Variants in BNC2 observed in about 807,000 individuals in gnomAD.
BNC2 encodes basonuclin zinc finger protein 2.
BNC2 carries 20 observed loss-of-function variants against 76.3 expected under a neutral mutation model. The observed-to-expected ratio is 0.26, with a 90% CI of 0.18 to 0.38. The LOEUF (loss-of-function observed/expected upper bound fraction) is 0.38. Ranked by LOEUF, BNC2 falls within the 10% of genes least tolerant of loss-of-function variation. BNC2 has a pLI of 1.00. For synonymous variants in BNC2, 582 were observed against 514.8 expected (o/e 1.13, Z -1.77); for missense variants, 1,382 against 1,399.8 (o/e 0.99, Z 0.20).
intron 3 of BNC2, among the ~76,000 whole-genome samples, chr9:16,667,603 G>T (rs1303012364): frequency 6.6e-6 from 1 of 152,126 alleles, no homozygotes; most frequent in Non-Finnish European, 1.5e-5. Flanking sequence ...AATTAAATGA[G>T]ATAGCCTTTT....
chr9:16,823,296 G>C (rs1469732201), intron 1 of BNC2, among the ~76,000 whole-genome samples: 1 of 151,950 alleles, frequency 6.6e-6, no homozygotes, highest in East Asian at 1.9e-4. Flanking sequence ...TAGTTCTATA[G>C]TGACATGTAA....
chr9:16,557,075 C>A (rs995599529), intron 4 of BNC2, among the ~76,000 whole-genome samples: 7 of 151,946 alleles, frequency 4.6e-5, no homozygotes, highest in African/African-American at 1.5e-4. Flanking sequence ...ATGAGTTAGG[C>A]CAATGGCGCT....
chr9:16,411,090 T>C lies in BNC2; in HGVS notation c.*7899A>G, dbSNP rs907753990. On this transcript the variant is annotated 3_prime_UTR_variant, in exon 7 of 7. Transcript: ENST00000380672. ...CAGTTCACCTTGCAGGGACTGGCGC[T>C]TTCTCCCTCTCTTTTGAAAAACATA... The C allele has an allele frequency of 3.3e-5, 5 of 152,216 alleles. No homozygotes were observed. The East Asian group carries it at 9.6e-4, about 29-fold the overall frequency. 9.4% of individuals were successfully genotyped at this position (152,216 alleles called of 1,614,324 possible).
intron 4 of BNC2, among the ~76,000 whole-genome samples, chr9:16,582,143 C>T (rs1433836901): frequency 6.6e-6 from 1 of 151,612 alleles, no homozygotes; most frequent in Non-Finnish European, 1.5e-5. Context: ...CCGGGGCTGT[C>T]AAAAAATCTC....
rs748241207 is a variant in BNC2 at position 16,419,636 on chromosome 9, T to C, written c.2653A>G (p.Ile885Val). The C allele has an allele frequency of 3.7e-6, 5 of 1,358,884 alleles. No individual in the cohort carries two copies. Among genetic ancestry groups the C allele is most frequent in the Non-Finnish European group, 4.9e-6 (5 of 1,027,524 alleles). 84.2% of individuals were successfully genotyped at this position (1,358,884 alleles called of 1,614,324 possible). ...GTCAACAGTTTACGATGTAGGTTTA[T>C]GTTGGCACTGTGTCTAGGAAAACAA... ...RRSRDRHSAN[I>V]NLHRKLLTKE... The change falls in exon 7 of 7, where the codon ATA becomes GTA. Residue 885 changes from isoleucine (I) to valine (V), a missense_variant. By Grantham distance (29) the Ile-to-Val change is conservative. Transcript: ENST00000380672.
At chr9:16,837,596 G>A (rs923382389) in intron 1 of BNC2, among the ~76,000 whole-genome samples, 1 of 152,230 alleles carries the variant, frequency 6.6e-6, no homozygotes. Context: ...CGAAGTCGAT[G>A]TCTGGTGAAG....
chr9:16,788,368 A>G (rs959378019), intron 1 of BNC2, among the ~76,000 whole-genome samples: 2 of 151,766 alleles, frequency 1.3e-5, no homozygotes, highest in African/African-American at 4.8e-5. Context: ...CCTGGCTAAC[A>G]TGGTGAAACC....
intron 3 of BNC2, among the ~76,000 whole-genome samples, chr9:16,590,841 G>A (rs556259884): frequency 1.3e-5 from 2 of 152,068 alleles, no homozygotes; most frequent in African/African-American, 4.8e-5. Context: ...TATCCTAGTG[G>A]ACGAAAATCT....
chr9:16,782,061 C>T (rs112949910), intron 1 of BNC2, among the ~76,000 whole-genome samples: 22 of 151,904 alleles, frequency 1.4e-4, no homozygotes, highest in African/African-American at 3.9e-4. Flanking sequence ...CCGAGGGGGG[C>T]GGATCACGAG....
chr9:16,512,731 A>G (rs1396055028), intron 5 of BNC2, among the ~76,000 whole-genome samples: 1 of 152,206 alleles, frequency 6.6e-6, no homozygotes, highest in Non-Finnish European at 1.5e-5. Flanking sequence ...TAAAAGTATC[A>G]TTTTTCATCA....
chr9:16,647,806 A>G (rs1821677901), intron 3 of BNC2, among the ~76,000 whole-genome samples: 1 of 152,220 alleles, frequency 6.6e-6, no homozygotes, highest in African/African-American at 2.4e-5. Context: ...AGGTTTAATA[A>G]AGGTATCTTA....
intron 4 of BNC2, among the ~76,000 whole-genome samples, chr9:16,558,078 G>A (rs1818893858): frequency 6.6e-6 from 1 of 152,096 alleles, no homozygotes; most frequent in Non-Finnish European, 1.5e-5. Flanking sequence ...GAACTTCTGG[G>A]CTCAAGTGAT....
chr9:16,665,828 C>T (rs1024451170), intron 3 of BNC2, among the ~76,000 whole-genome samples: 5 of 152,044 alleles, frequency 3.3e-5, no homozygotes, highest in East Asian at 1.9e-4. Context: ...TAATCCTAAA[C>T]GATCTGTAAA....
intron 3 of BNC2, among the ~76,000 whole-genome samples, chr9:16,670,515 G>T (rs188221341): frequency 1.3e-5 from 2 of 152,228 alleles, no homozygotes; most frequent in Non-Finnish European, 2.9e-5. Flanking sequence ...CTGAATAGCT[G>T]ACAACTTTCT....
chr9:16,635,421 C>T (rs7019625), intron 3 of BNC2, among the ~76,000 whole-genome samples: 19,919 of 151,980 alleles, frequency 0.13, 2,320 homozygotes, highest in African/African-American at 0.31. Context: ...AGTCAATGTG[C>T]CACAAACTCT....
At chr9:16,817,879 G>A (rs371156966) in intron 1 of BNC2, among the ~76,000 whole-genome samples, 13 of 152,002 alleles carry the variant, frequency 8.6e-5, no homozygotes, top group African/African-American at 2.7e-4. Context: ...TTAGGGTCAG[G>A]GATTGAAAGC....
chr9:16,777,787 A>G (rs560630701), intron 1 of BNC2, among the ~76,000 whole-genome samples: 1 of 152,252 alleles, frequency 6.6e-6, no homozygotes, highest in South Asian at 2.1e-4. Flanking sequence ...CACTGTTTAT[A>G]ATAACAAAAA....
intron 3 of BNC2, among the ~76,000 whole-genome samples, chr9:16,659,410 C>G (rs1260193143): frequency 6.6e-6 from 1 of 151,908 alleles, no homozygotes; most frequent in South Asian, 2.1e-4. Flanking sequence ...GAGATTGAGA[C>G]CATCCTGGCC....
chr9:16,773,837 G>T lies in BNC2; in HGVS notation c.4-35352C>A, dbSNP rs181822122. 3.6e-3 allele frequency among the ~76,000 whole-genome samples: 551 copies of T among 152,174 alleles called. 2 individuals carry two copies. Among genetic ancestry groups the T allele is most frequent in the South Asian group, 0.028 (136 of 4,812 alleles). On this transcript the variant is annotated intron_variant, in intron 1 of 6. Transcript: ENST00000380672. ...TTTTCCCTTTGCGCATTTTCTAACA[G>T]TACGTCCTTTCTATTTGAATACAAA...
Sources: gnomAD v4.1 joint callset for allele counts (sites outside exome capture counted in the v4.1 genomes callset) on GRCh38, gnomAD v4.1.1 for gene constraint, MANE v1.5 for transcripts, NCBI Gene and HGNC (gene_info 2026-07-23, HGNC 2026-07-21) for gene names.